Variants in ACAP2 observed in about 807,000 individuals in gnomAD.
The protein encoded by ACAP2 is arf-GAP with coiled-coil, ANK repeat and PH domain-containing protein 2.
A neutral mutation model predicts 115.8 loss-of-function variants in ACAP2; 39 were observed. The observed-to-expected ratio is 0.34, with a 90% CI of 0.26 to 0.44. The LOEUF (loss-of-function observed/expected upper bound fraction) is 0.44. Ranked by LOEUF, ACAP2 falls within the 20% of genes least tolerant of loss-of-function variation. The probability of loss-of-function intolerance (pLI) is 1.00; values close to 1 mark genes in which losing one functional copy is unlikely to be tolerated. For synonymous variants in ACAP2, 289 were observed against 315.8 expected (o/e 0.92, Z 0.90); for missense variants, 662 against 927.6 (o/e 0.71, Z 3.72).
chr3:195,383,088 T>C (rs1268880635), intron 2 of ACAP2, among the ~76,000 whole-genome samples: 1 of 152,148 alleles, frequency 6.6e-6, no homozygotes, highest in Non-Finnish European at 1.5e-5. Context: ...ATATGACCAA[T>C]ATTCCACAAA....
At chr3:195,360,797 C>CA (rs1454632827) in intron 4 of ACAP2, among the ~76,000 whole-genome samples, 3 of 141,788 alleles carry the variant, frequency 2.1e-5, no homozygotes, top group Non-Finnish European at 4.6e-5. Context: ...GACTCCATCT[C>CA]AAAAAAATAA....
At chr3:195,299,648 C>T (rs1361023341) in intron 15 of ACAP2, among the ~76,000 whole-genome samples, 1 of 152,010 alleles carries the variant, frequency 6.6e-6, no homozygotes, top group Non-Finnish European at 1.5e-5. Context: ...ACCAACCTGG[C>T]TAAGACGGTG....
chr3:195,380,926 A>G (rs1193379671), intron 4 of ACAP2, 83 bp downstream of exon 4: 2 of 1,200,398 alleles, frequency 1.7e-6, no homozygotes, highest in East Asian at 4.8e-5. Flanking sequence ...ATTCCCTTTT[A>G]GTCATTTCAT....
rs1390531297 is a variant in ACAP2 at position 195,278,184 on chromosome 3, A to G, written c.*1144T>C. The stretch of plus-strand genomic sequence containing the variant: ...AGCATATAAATGGTAATGTTTATCC[A>G]TAATATTTTGGAATTCAGGGGTCTG... On this transcript the variant is annotated 3_prime_UTR_variant, in exon 23 of 23. Coordinates refer to ENST00000326793, the MANE Select transcript of ACAP2 (RefSeq NM_012287.6). The G allele has an allele frequency of 6.6e-6, 1 of 152,164 alleles. No individual in the cohort carries two copies. The highest frequency in any genetic ancestry group is 1.5e-5 in the Non-Finnish European group (1 of 68,028). 9.4% of individuals were successfully genotyped at this position (152,164 alleles called of 1,614,324 possible). A position where few individuals can be genotyped will look rare whatever the true frequency, so the allele number is the denominator to read the frequency against.
rs555791069 is a variant in ACAP2, at chr3:195,413,546, T to TGA, written c.54-21401_54-21400dup. Among the ~76,000 whole-genome samples, 22 of 152,116 alleles carry TGA rather than the reference T, an allele frequency of 1.4e-4. No homozygotes were observed. The East Asian group carries it at 4.2e-3, about 29-fold the overall frequency. On this transcript the variant is annotated intron_variant, in intron 1 of 22. Transcript: ENST00000326793. Reference sequence around the variant, plus strand: ...GGCATATCACTTGAGGTCAGGAGTTTGAGACCAGCCTGTCCAACATTGCGA... The same window carrying TGA: ...GGCATATCACTTGAGGTCAGGAGTTTGAGAGACCAGCCTGTCCAACATTGCGA...
chr3:195,393,257 G>A (rs1711507597), intron 1 of ACAP2, among the ~76,000 whole-genome samples: 1 of 152,116 alleles, frequency 6.6e-6, no homozygotes, highest in African/African-American at 2.4e-5. Context: ...GATCACTTGG[G>A]CCTAGGAGGT....
intron 9 of ACAP2, among the ~76,000 whole-genome samples, chr3:195,322,587 C>G (rs1729519799): frequency 6.6e-6 from 1 of 152,036 alleles, no homozygotes; most frequent in African/African-American, 2.4e-5. Flanking sequence ...TTGCTTCCTA[C>G]TTTTTCTTTG....
chr3:195,370,748 G>A (rs1319523508), intron 4 of ACAP2, among the ~76,000 whole-genome samples: 1 of 152,066 alleles, frequency 6.6e-6, no homozygotes, highest in African/African-American at 2.4e-5. Context: ...TCAGGAGTTC[G>A]AGACCAGCCT....
chr3:195,353,082 A>G (rs1307074616), intron 4 of ACAP2, among the ~76,000 whole-genome samples: 3 of 145,046 alleles, frequency 2.1e-5, no homozygotes, highest in Non-Finnish European at 4.6e-5. Context: ...TCTGTCTTTA[A>G]AAAAAAAAAA....
In ACAP2 at chr3:195,413,876, G is replaced by A. The variant is rs988454503; in HGVS notation, c.54-21729C>T. The stretch of plus-strand genomic sequence containing the variant: ...TGTAGTCCCAGCTACTCTGGAAGCT[G>A]AGGCAAGAAGATAACTTGAGCCCAG... On this transcript the variant is annotated intron_variant, in intron 1 of 22. Transcript: ENST00000326793. 6.6e-5 allele frequency among the ~76,000 whole-genome samples: 10 copies of A among 152,036 alleles called. No homozygotes were observed. In the East Asian group the frequency reaches 1.9e-3, roughly 29 times the overall value.
Position 195,313,339 on chromosome 3 carries a change from G to A in ACAP2, c.858-4502C>T, listed in dbSNP as rs112913286. ...GGCTATAAAATATAGATAGCACCTC[G>A]CGCCTCATCTTAATAAGCTGCTCCT... On this transcript the variant is annotated intron_variant, in intron 10 of 22. Transcript: ENST00000326793. Among the ~76,000 whole-genome samples, 70 of 152,130 alleles carry A rather than the reference G, an allele frequency of 4.6e-4. No homozygotes were observed. The Middle Eastern group carries it at 0.017, about 37-fold the overall frequency.
At chr3:195,400,601 A>ACAGGAAAATTAAGTTAT (rs1560330663) in intron 1 of ACAP2, among the ~76,000 whole-genome samples, 1 of 152,152 alleles carries the variant, frequency 6.6e-6, no homozygotes, top group Admixed American at 6.5e-5. Flanking sequence ...CTTCAACATG[A>ACAGGAAAATTAAGTTAT]CAGGAAAATT....
At chr3:195,325,640 T>A (rs1409987111) in intron 9 of ACAP2, among the ~76,000 whole-genome samples, 1 of 152,088 alleles carries the variant, frequency 6.6e-6, no homozygotes, top group Non-Finnish European at 1.5e-5. Context: ...TAGGAAAAGA[T>A]ATTAAAAGAT....
chr3:195,358,961 G>A (rs1732168754), intron 4 of ACAP2, among the ~76,000 whole-genome samples: 1 of 152,144 alleles, frequency 6.6e-6, no homozygotes, highest in Non-Finnish European at 1.5e-5. Context: ...ATACAATGGA[G>A]CTCCAAAACA....
At chr3:195,383,457 T>G (rs1734081250) in intron 2 of ACAP2, among the ~76,000 whole-genome samples, 1 of 151,964 alleles carries the variant, frequency 6.6e-6, no homozygotes, top group African/African-American at 2.4e-5. Context: ...GGACACTGGA[T>G]AGTCATCTGA....
chr3:195,442,784 G>A lies in ACAP2; in HGVS notation c.53+11C>T. 1.3e-6 allele frequency: 2 copies of A among 1,527,902 alleles called. No homozygotes were observed. Among genetic ancestry groups the A allele is most frequent in the Non-Finnish European group, 8.8e-7 (1 of 1,137,670 alleles). 94.6% of individuals were successfully genotyped at this position (1,527,902 alleles called of 1,614,324 possible). A position where few individuals can be genotyped will look rare whatever the true frequency, so the allele number is the denominator to read the frequency against. ...AGCTCCGCGGTGACGCCGGGCGGCC[G>A]TGCCGGTTACCTGAAGCGGGGCGAG... On this transcript the variant is annotated intron_variant, in intron 1 of 22. Transcript: ENST00000326793.
chr3:195,331,572 C>G (rs1730169869), intron 8 of ACAP2, among the ~76,000 whole-genome samples: 1 of 152,000 alleles, frequency 6.6e-6, no homozygotes, highest in Admixed American at 6.6e-5. Context: ...CTCAGCCTCC[C>G]AAAGTGCTGG....
intron 1 of ACAP2, among the ~76,000 whole-genome samples, chr3:195,407,429 G>A (rs1332802770): frequency 6.6e-6 from 1 of 152,014 alleles, no homozygotes; most frequent in African/African-American, 2.4e-5. Context: ...AGAAAGTCCT[G>A]GGCACAGTGG....
chr3:195,324,876 A>G (rs1395824379), intron 9 of ACAP2, among the ~76,000 whole-genome samples: 2 of 152,248 alleles, frequency 1.3e-5, no homozygotes, highest in Non-Finnish European at 1.5e-5. Context: ...AAGACTGATA[A>G]AAATAAGCTA....
Sources: allele counts gnomAD v4.1 joint callset (sites outside exome capture counted in the v4.1 genomes callset), GRCh38; gene constraint gnomAD v4.1.1; transcripts MANE v1.5; gene names NCBI Gene and HGNC (gene_info 2026-07-23, HGNC 2026-07-21).